AFG2B: variants seen among roughly 807,000 people sequenced by gnomAD.
The protein encoded by AFG2B is ATPase family gene 2 protein homolog B.
At chr15:45,417,684 TA>T in the AFG2B span, 1 of 291,166 alleles carries the variant, frequency 3.4e-6, no homozygotes, top group Non-Finnish European at 6.6e-6. Flanking sequence ...CCTAAAGTGT[TA>T]AAAGGGCTTT....
chr15:45,418,343 CAAAAAAAA>C, the AFG2B span, among the ~76,000 whole-genome samples: 1 of 52,560 alleles, frequency 1.9e-5, no homozygotes, highest in African/African-American at 6.1e-5. Context: ...GACTCCATCT[CAAAAAAAA>C]AAAAAAAAAA....
the AFG2B span, among the ~76,000 whole-genome samples, chr15:45,418,180 C>T: frequency 6.6e-6 from 1 of 151,734 alleles, no homozygotes; most frequent in Non-Finnish European, 1.5e-5. Context: ...CCCATCTCTA[C>T]TAAAAATACA....
At chr15:45,409,331 C>G in the AFG2B span, among the ~76,000 whole-genome samples, 2 of 146,534 alleles carry the variant, frequency 1.4e-5, no homozygotes, top group Admixed American at 6.9e-5. Flanking sequence ...GAGCCAAGAT[C>G]ACAGCACTGC....
At chr15:45,405,868 G>A in the AFG2B span, among the ~76,000 whole-genome samples, 1 of 151,952 alleles carries the variant, frequency 6.6e-6, no homozygotes, top group African/African-American at 2.4e-5. Context: ...ATAGTACAAA[G>A]AGTTTCCATA....
chr15:45,410,510 G>T, the AFG2B span: 1 of 1,608,914 alleles, frequency 6.2e-7, no homozygotes, highest in Non-Finnish European at 8.5e-7. Flanking sequence ...CCTTGAAGAT[G>T]TAAAACTGAA....
At chr15:45,410,309 G>T in the AFG2B span, 1 of 1,550,334 alleles carries the variant, frequency 6.5e-7, no homozygotes, top group Non-Finnish European at 8.8e-7. Flanking sequence ...AACAAATTGT[G>T]CTATAAAAAA....
the AFG2B span, chr15:45,403,370 G>A: frequency 6.2e-7 from 1 of 1,610,786 alleles, no homozygotes; most frequent in Non-Finnish European, 8.5e-7. Context: ...CAGCGGGGCA[G>A]TCGAGCACCC....
chr15:45,403,326 C>A, the AFG2B span: 1 of 1,602,230 alleles, frequency 6.2e-7, no homozygotes, highest in Non-Finnish European at 8.5e-7. Context: ...GACCCAGCCT[C>A]CTCTTCCTGG....
the AFG2B span, among the ~76,000 whole-genome samples, chr15:45,407,725 G>A: frequency 1.7e-4 from 26 of 152,194 alleles, no homozygotes; most frequent in African/African-American, 6.3e-4. Context: ...AATAAGAAAA[G>A]ACAGTTTGTT....
the AFG2B span, among the ~76,000 whole-genome samples, chr15:45,413,064 A>C: frequency 6.6e-6 from 1 of 152,300 alleles, no homozygotes; most frequent in East Asian, 1.9e-4. Flanking sequence ...TTTTTTATGC[A>C]TTGTCTCATT....
chr15:45,403,083 C>T, the AFG2B span: 1 of 1,528,268 alleles, frequency 6.5e-7, no homozygotes, highest in East Asian at 2.5e-5. Flanking sequence ...TCCTCCGCCT[C>T]CCGCTCCGCT....
the AFG2B span, chr15:45,403,092 C>T: frequency 5.4e-4 from 830 of 1,524,684 alleles, 14 homozygotes; most frequent in East Asian, 0.018. Context: ...TCCCGCTCCG[C>T]TACCCGCGCG....
chr15:45,412,853 G>A, the AFG2B span, among the ~76,000 whole-genome samples: 1 of 152,126 alleles, frequency 6.6e-6, no homozygotes. Context: ...TCTCACCTGC[G>A]TTACAGTTTC....
the AFG2B span, chr15:45,415,805 AAG>A: frequency 1.2e-6 from 2 of 1,607,586 alleles, no homozygotes; most frequent in Non-Finnish European, 1.7e-6. Flanking sequence ...TGAAAAAATG[AAG>A]AGGTATTTAT....
chr15:45,419,997 C>CAAAAAAAA, the AFG2B span, among the ~76,000 whole-genome samples: 4 of 53,702 alleles, frequency 7.4e-5, no homozygotes, highest in Non-Finnish European at 1.4e-4. Flanking sequence ...CCCCCCCCCC[C>CAAAAAAAA]AAAAAAAAAA....
At chr15:45,403,144 C>T in the AFG2B span, 1 of 1,460,780 alleles carries the variant, frequency 6.8e-7, no homozygotes, top group Non-Finnish European at 9.0e-7. Flanking sequence ...CGGGGTGCTC[C>T]TGGCGGGGCC....
At chr15:45,407,133 G>T in the AFG2B span, 2 of 1,288,060 alleles carry the variant, frequency 1.6e-6, no homozygotes, top group South Asian at 2.5e-5. Flanking sequence ...CTCAGGTGTA[G>T]TTACCACAGG....
the AFG2B span, among the ~76,000 whole-genome samples, chr15:45,418,239 G>T: frequency 6.6e-6 from 1 of 151,574 alleles, no homozygotes; most frequent in Middle Eastern, 3.4e-3. Flanking sequence ...AGCTACTTGG[G>T]AGGCTGAGAC....
the AFG2B span, chr15:45,405,349 A>G: frequency 6.2e-7 from 1 of 1,614,142 alleles, no homozygotes; most frequent in Non-Finnish European, 8.5e-7. Flanking sequence ...CACTTAAACA[A>G]AGAAAGGAAA....
Sources: gnomAD v4.1 joint callset for allele counts (sites outside exome capture counted in the v4.1 genomes callset) on GRCh38, gnomAD v4.1.1 for gene constraint, MANE v1.5 for transcripts, NCBI Gene and HGNC (gene_info 2026-07-23, HGNC 2026-07-21) for gene names.